Variants in RSBN1L observed in about 807,000 individuals in gnomAD.
RSBN1L encodes lysine-specific demethylase RSBN1L.
A neutral mutation model predicts 67.7 loss-of-function variants in RSBN1L; 30 were observed. That is an observed-to-expected ratio of 0.44 (90% confidence interval 0.33 to 0.60). The LOEUF (loss-of-function observed/expected upper bound fraction) is 0.60. Among genes scored for constraint, RSBN1L ranks in the 20% least tolerant of loss-of-function variants. The probability of loss-of-function intolerance (pLI) is 0.02; values close to 1 mark genes in which losing one functional copy is unlikely to be tolerated. For synonymous variants in RSBN1L, 433 were observed against 387.0 expected (o/e 1.12, Z -1.39); for missense variants, 992 against 1,031.7 (o/e 0.96, Z 0.53).
intron 3 of RSBN1L, among the ~76,000 whole-genome samples, chr7:77,751,485 A>G (rs1289971656): frequency 1.3e-5 from 2 of 152,306 alleles, no homozygotes; most frequent in African/African-American, 2.4e-5. Flanking sequence ...ATTCTCTAAC[A>G]TGTTTGAGAA....
At chr7:77,709,242 G>T (rs1027503971) in intron 1 of RSBN1L, among the ~76,000 whole-genome samples, 1 of 151,574 alleles carries the variant, frequency 6.6e-6, no homozygotes, top group Non-Finnish European at 1.5e-5. Context: ...GTGTGGAGGG[G>T]ACCCTTTTAG....
chr7:77,743,088 CTG>C (rs1336492481), intron 2 of RSBN1L, among the ~76,000 whole-genome samples: 1 of 151,062 alleles, frequency 6.6e-6, no homozygotes, highest in Non-Finnish European at 1.5e-5. Flanking sequence ...AGGTCTTACT[CTG>C]TTGCCAGTAT....
chr7:77,747,004 G>C (rs117674191), intron 2 of RSBN1L, among the ~76,000 whole-genome samples: 2,793 of 152,300 alleles, frequency 0.018, 38 homozygotes, highest in Middle Eastern at 0.071. Flanking sequence ...CTGGTATTGA[G>C]GGCTTGAGGC....
intron 3 of RSBN1L, among the ~76,000 whole-genome samples, chr7:77,757,492 T>C (rs1791635130): frequency 6.6e-6 from 1 of 152,252 alleles, no homozygotes; most frequent in African/African-American, 2.4e-5. Context: ...CATGGACTTT[T>C]CCCAAAGTTT....
chr7:77,771,668 C>A (rs1267300674), intron 5 of RSBN1L, among the ~76,000 whole-genome samples: 1 of 151,900 alleles, frequency 6.6e-6, no homozygotes, highest in Non-Finnish European at 1.5e-5. Context: ...AACCACCATT[C>A]CCAGCTCATT....
chr7:77,740,848 A>T (rs899113421), intron 2 of RSBN1L, among the ~76,000 whole-genome samples: 1 of 149,826 alleles, frequency 6.7e-6, no homozygotes, highest in African/African-American at 2.5e-5. Flanking sequence ...TGATTCCCTC[A>T]CTCCCAGTCT....
intron 6 of RSBN1L, among the ~76,000 whole-genome samples, chr7:77,776,558 C>T (rs1177875118): frequency 1.3e-5 from 2 of 152,108 alleles, no homozygotes; most frequent in African/African-American, 4.8e-5. Flanking sequence ...TTTCACTTAG[C>T]GTAGTGTTTT....
chr7:77,696,651 G>A lies in RSBN1L; in HGVS notation c.182G>A (p.Gly61Asp), dbSNP rs1040771251. ...CCGCGGAGAGTGAACGGAGAAGGGGGCAGCGGCGGGAACAGCAGGCAGCTG... is the reference window on the plus strand; with the variant it reads ...CCGCGGAGAGTGAACGGAGAAGGGGACAGCGGCGGGAACAGCAGGCAGCTG... ...KAPRRVNGEGGSGGNSRQLQP... is the reference protein window; with the variant it reads ...KAPRRVNGEGDSGGNSRQLQP... Residue 61 changes from glycine (G) to aspartate (D), a missense_variant, in exon 1 of 8, where the codon GGC becomes GAC. Gly to Asp is a moderately conservative substitution (Grantham distance 94, BLOSUM62 -1). Transcript: ENST00000334955. 3 of 1,612,806 alleles carry A rather than the reference G, an allele frequency of 1.9e-6. No homozygotes were observed. Among genetic ancestry groups the A allele is most frequent in the Non-Finnish European group, 2.5e-6 (3 of 1,179,628 alleles).
intron 1 of RSBN1L, among the ~76,000 whole-genome samples, chr7:77,712,658 AT>A: frequency 6.6e-6 from 1 of 152,300 alleles, no homozygotes; most frequent in East Asian, 1.9e-4. Context: ...TATATTAGAA[AT>A]ACTGTTCCAT....
At position 77,775,949 on chromosome 7, in the gene RSBN1L, G is replaced by A. The variant is rs111835125; in HGVS notation, c.1794-2389G>A. On this transcript the variant is annotated intron_variant, in intron 6 of 7. Transcript: ENST00000334955. ...CACACACCTGTAATCCCAGCTCCTC[G>A]CTAGGCTGAGGCACAAGAATCGCTT... Among the ~76,000 whole-genome samples the A allele has an allele frequency of 7.6e-3, 1,150 of 152,160 alleles. 20 individuals carry two copies. The highest frequency in any genetic ancestry group is 0.027 in the African/African-American group (1,114 of 41,502).
intron 6 of RSBN1L, among the ~76,000 whole-genome samples, chr7:77,776,670 T>C (rs1272493132): frequency 6.6e-6 from 1 of 152,224 alleles, no homozygotes; most frequent in African/African-American, 2.4e-5. Flanking sequence ...TAAAGTGCCC[T>C]TTTTATCCTT....
chr7:77,752,077 T>A (rs1791563164), intron 3 of RSBN1L, among the ~76,000 whole-genome samples: 1 of 152,258 alleles, frequency 6.6e-6, no homozygotes, highest in African/African-American at 2.4e-5. Flanking sequence ...CCATGAAAAC[T>A]GCTTTTGTTA....
intron 4 of RSBN1L, among the ~76,000 whole-genome samples, chr7:77,767,197 G>A (rs1297863971): frequency 6.6e-6 from 1 of 151,822 alleles, no homozygotes. Flanking sequence ...CCAAAGTGCT[G>A]TGATTACAGA....
rs767530312 is a variant in RSBN1L, at chr7:77,778,604, A to G, written c.1977A>G (p.Leu659=). 6 of 1,614,000 alleles carry G rather than the reference A, an allele frequency of 3.7e-6. No individual in the cohort carries two copies. The South Asian group carries it at 5.5e-5, about 15-fold the overall frequency. The stretch of plus-strand genomic sequence containing the variant: ...GCATTCGCTATGCCAGGATTCAGCT[A>G]TATGATAATGACATTTATTTTATTC... ...REGIRYARIQ[L]YDNDIYFIPR... The change falls in exon 8 of 8, where the codon CTA becomes CTG. Residue 659 remains leucine (L), a synonymous_variant. Transcript: ENST00000334955.
chr7:77,745,119 G>T lies in RSBN1L; in HGVS notation c.704-4305G>T, dbSNP rs12669330. Among the ~76,000 whole-genome samples, 236 of 152,208 alleles carry T rather than the reference G, an allele frequency of 1.6e-3. 3 individuals are homozygous for T. The East Asian group carries it at 0.038, about 24-fold the overall frequency. ...TCTACTAAAAATACAAAATTAGCTG[G>T]TCATGTTGGCGCATGCCTGTAATCC... On this transcript the variant is annotated intron_variant, in intron 2 of 7. Coordinates refer to ENST00000334955, the MANE Select transcript of RSBN1L (RefSeq NM_198467.3).
At position 77,782,154 on chromosome 7, in the gene RSBN1L, T is replaced by A. The variant is rs921913716; in HGVS notation, c.*2986T>A. 15 of 152,166 alleles carry A rather than the reference T, an allele frequency of 9.9e-5. No homozygotes were observed. Among genetic ancestry groups the A allele is most frequent in the African/African-American group, 3.6e-4 (15 of 41,444 alleles). The allele number at this position is 152,166 out of a possible 1,614,324, so 9.4% of individuals were successfully genotyped here. On this transcript the variant is annotated 3_prime_UTR_variant, in exon 8 of 8. Transcript: ENST00000334955. ...GAACTTGTTGACTACCTTTGTTACA[T>A]GCAAAAATTTTCTATTTTAATATTG... is the stretch of plus-strand genomic sequence containing the variant.
At position 77,696,992 on chromosome 7, in the gene RSBN1L, G is replaced by A. The variant is rs1474167295; in HGVS notation, c.523G>A (p.Gly175Arg). The stretch of plus-strand genomic sequence containing the variant: ...GGAGAGGAGGAGGCACGGTCTCGGT[G>A]GGGCCCGAGAGGCCGGCGGGGCCTC... ...EKERRRHGLG[G>R]AREAGGASRE... Residue 175 changes from glycine to arginine, a missense_variant, in exon 1 of 8, where the codon GGG becomes AGG. Coordinates refer to ENST00000334955, the MANE Select transcript of RSBN1L (RefSeq NM_198467.3). 6.5e-7 allele frequency: 1 copy of A among 1,542,950 alleles called. No homozygotes were observed. The highest frequency in any genetic ancestry group is 8.7e-7 in the Non-Finnish European group (1 of 1,151,690).
chr7:77,750,445 A>C (rs946001813), intron 3 of RSBN1L, among the ~76,000 whole-genome samples: 3 of 152,000 alleles, frequency 2.0e-5, no homozygotes, highest in African/African-American at 7.2e-5. Flanking sequence ...TAAGGTACTT[A>C]GCACCAGGCC....
At chr7:77,764,631 C>CTT (rs1229065715) in intron 3 of RSBN1L, among the ~76,000 whole-genome samples, 4 of 145,298 alleles carry the variant, frequency 2.8e-5, no homozygotes, top group African/African-American at 7.5e-5. Flanking sequence ...TTCTTTCTTT[C>CTT]TTTTTTTTTT....
Sources: gnomAD v4.1 joint callset for allele counts (sites outside exome capture counted in the v4.1 genomes callset) on GRCh38, gnomAD v4.1.1 for gene constraint, MANE v1.5 for transcripts, NCBI Gene and HGNC (gene_info 2026-07-23, HGNC 2026-07-21) for gene names.